NOTCH3: variants seen among roughly 807,000 people sequenced by gnomAD.
NOTCH3 encodes notch receptor 3, also known as neurogenic locus notch homolog protein 3.
In NOTCH3, 86 loss-of-function variants were observed where a neutral mutation model predicts 213.3. The ratio of observed to expected loss-of-function variants is 0.40; its 90% CI spans 0.34 to 0.48. The LOEUF (loss-of-function observed/expected upper bound fraction) is 0.48, where lower values mean the gene tolerates loss of function less well. Among genes scored for constraint, NOTCH3 ranks in the 20% least tolerant of loss-of-function variants. The pLI, the probability that NOTCH3 is intolerant of heterozygous loss-of-function variation, is 0.57. For missense variants in NOTCH3, 2,783 were observed against 3,272.6 expected (o/e 0.85, Z 3.65); for synonymous variants, 1,354 against 1,355.9 (o/e 1.00, Z 0.03).
At position 15,159,839 on chromosome 19, in the gene NOTCH3, A is replaced by G. The variant is rs547316884; in HGVS notation, c.*823T>C. On this transcript the variant is annotated 3_prime_UTR_variant, in exon 33 of 33. Transcript: ENST00000263388. Reference sequence around the variant, plus strand: ...AGGCAGCTCCTCTTCTTGTAGTCCCACATTTACAGGGACACAAAGGAATGC... The same window carrying G: ...AGGCAGCTCCTCTTCTTGTAGTCCCGCATTTACAGGGACACAAAGGAATGC... 36 of 233,714 alleles carry G rather than the reference A, an allele frequency of 1.5e-4. No homozygotes were observed. Among genetic ancestry groups the G allele is most frequent in the African/African-American group, 7.0e-4 (32 of 45,482 alleles). 14.5% of individuals were successfully genotyped at this position (233,714 alleles called of 1,614,324 possible). A position where few individuals can be genotyped will look rare whatever the true frequency, so the allele number is the denominator to read the frequency against.
intron 32 of NOTCH3, among the ~76,000 whole-genome samples, chr19:15,162,075 G>C (rs991946329): frequency 6.9e-6 from 1 of 144,696 alleles, no homozygotes; most frequent in African/African-American, 2.6e-5. Flanking sequence ...TCAGCCTTCC[G>C]GGTTCAAGCG....
intron 2 of NOTCH3, 73 bp downstream of exon 2, chr19:15,197,427 G>A: frequency 1.6e-6 from 2 of 1,259,780 alleles, no homozygotes; most frequent in Non-Finnish European, 2.3e-6. Flanking sequence ...AGAGGCAGAG[G>A]GAGAAGACAA....
chr19:15,178,200 G>A, intron 23 of NOTCH3, 110 bp from the exon 24 acceptor site: 1 of 653,014 alleles, frequency 1.5e-6, no homozygotes, highest in Non-Finnish European at 2.5e-6. Context: ...GAGAGAGGGG[G>A]AAGAGAAGAG....
At position 15,179,047 on chromosome 19, in the gene NOTCH3, G is replaced by A. The variant is rs1376921184; in HGVS notation, c.3696C>T (p.Cys1232=). 1 of 1,614,230 alleles carries A rather than the reference G, an allele frequency of 6.2e-7. No individual in the cohort carries two copies. The highest frequency in any genetic ancestry group is 1.1e-5 in the South Asian group (1 of 91,092). Residue 1232 remains cysteine, a synonymous_variant, in exon 22 of 33, where the codon TGC becomes TGT. Coordinates refer to ENST00000263388, the MANE Select transcript of NOTCH3 (RefSeq NM_000435.3). ...CLQDPGGGFR[C]LCHAGFSGPR... ...TACCTGAGAAGCCAGCATGACAAAG[G>A]CAACGGAAACCTCCGCCTGGGTCCT...
intron 6 of NOTCH3, 61 bp downstream of exon 6, chr19:15,191,363 C>T: frequency 7.1e-7 from 1 of 1,402,372 alleles, no homozygotes; most frequent in Non-Finnish European, 1.0e-6. Context: ...TCAAGTCAGA[C>T]TTCTTATTTG....
In NOTCH3 at chr19:15,178,952, G is replaced by C; in HGVS notation, c.3719-11C>G. ...TCTGACAGCGAGGACCTGAGCGAGC[G>C]GGAGCATGTAGATCAGCCACAATGG... On this transcript the variant is annotated splice_polypyrimidine_tract_variant and intron_variant, in intron 22 of 32. Coordinates refer to ENST00000263388, the MANE Select transcript of NOTCH3 (RefSeq NM_000435.3). 1 of 1,613,978 alleles carries C rather than the reference G, an allele frequency of 6.2e-7. No homozygotes were observed. Among genetic ancestry groups the C allele is most frequent in the East Asian group, 2.2e-5 (1 of 44,870 alleles).
At position 15,185,882 on chromosome 19, in the gene NOTCH3, A is replaced by G. The variant is rs2046877713; in HGVS notation, c.1952-203T>C. Among the ~76,000 whole-genome samples, 1 of 152,028 alleles carries G rather than the reference A, an allele frequency of 6.6e-6. No individual in the cohort carries two copies. Among genetic ancestry groups the G allele is most frequent in the Non-Finnish European group, 1.5e-5 (1 of 68,000 alleles). On this transcript the variant is annotated intron_variant, in intron 12 of 32. Transcript: ENST00000263388. The surrounding 1 kb of genome is among the most constrained non-coding windows in gnomAD (Gnocchi z 4.2). ...AGATCATTCTGGTCCCCAAACTTCCATGAAGTCCCTTTCTTTTTCTTTTCT... is the reference window on the plus strand; with the variant it reads ...AGATCATTCTGGTCCCCAAACTTCCGTGAAGTCCCTTTCTTTTTCTTTTCT...
chr19:15,191,331 C>A (rs2046924912), intron 6 of NOTCH3, 93 bp downstream of exon 6: 1 of 1,160,292 alleles, frequency 8.6e-7, no homozygotes, highest in South Asian at 1.3e-5. Flanking sequence ...CTGTGCCCAG[C>A]CTAGCATAAT....
Position 15,167,381 on chromosome 19 carries a change from C to A in NOTCH3, c.5230G>T (p.Ala1744Ser). ...TGAGTCCACTGACGGCAATCCACAGCCTCCTCAGCCCCCATGCCTGGCTCC... is the reference window on the plus strand; with the variant it reads ...TGAGTCCACTGACGGCAATCCACAGACTCCTCAGCCCCCATGCCTGGCTCC... ...VEEPGMGAEEAVDCRQWTQHH... is the reference protein window; with the variant it reads ...VEEPGMGAEESVDCRQWTQHH... Residue 1744 changes from alanine to serine, a missense_variant, in exon 29 of 33, where the codon GCT becomes TCT. Transcript: ENST00000263388. The A allele has an allele frequency of 6.2e-7, 1 of 1,609,022 alleles. No homozygotes were observed.
chr19:15,191,168 G>A (rs1216576923), intron 6 of NOTCH3, among the ~76,000 whole-genome samples: 2 of 152,020 alleles, frequency 1.3e-5, no homozygotes, highest in African/African-American at 4.8e-5. Flanking sequence ...TGAGAGACTT[G>A]GATTACAGGT....
chr19:15,163,862 G>A (rs189132832), intron 31 of NOTCH3, among the ~76,000 whole-genome samples: 39 of 152,138 alleles, frequency 2.6e-4, no homozygotes, highest in South Asian at 1.2e-3. Flanking sequence ...GTGGTCCATC[G>A]ACACAATGGA....
In NOTCH3 at chr19:15,160,626, C is replaced by G. The variant is rs543932222; in HGVS notation, c.*36G>C. Reference sequence around the variant, plus strand: ...AAGAAAGGAGGCAGGACGGGGGTCTCTTTAGGCCCCCAAGATCTAAGAACT... The same window carrying G: ...AAGAAAGGAGGCAGGACGGGGGTCTGTTTAGGCCCCCAAGATCTAAGAACT... On this transcript the variant is annotated 3_prime_UTR_variant, in exon 33 of 33. Coordinates refer to ENST00000263388, the MANE Select transcript of NOTCH3 (RefSeq NM_000435.3). The G allele has an allele frequency of 1.3e-6, 2 of 1,512,116 alleles. No homozygotes were observed. Among genetic ancestry groups the G allele is most frequent in the East Asian group, 2.3e-5 (1 of 44,430 alleles). The allele number at this position is 1,512,116 out of a possible 1,614,324, so 93.7% of individuals were successfully genotyped here.
intron 2 of NOTCH3, among the ~76,000 whole-genome samples, chr19:15,194,683 C>T (rs957228765): frequency 2.0e-5 from 3 of 151,984 alleles, no homozygotes; most frequent in South Asian, 2.1e-4. Context: ...TGTCCAAGCG[C>T]GGTGGCTCAC....
intron 16 of NOTCH3, among the ~76,000 whole-genome samples, 154 bp from the exon 17 acceptor site, chr19:15,181,955 C>A (rs748630300): frequency 6.6e-6 from 1 of 152,246 alleles, no homozygotes; most frequent in Non-Finnish European, 1.5e-5. Flanking sequence ...CCATCCCCTT[C>A]TGTGGCCTCG....
chr19:15,163,821 A>T (rs1025376486), intron 31 of NOTCH3, among the ~76,000 whole-genome samples: 1 of 152,054 alleles, frequency 6.6e-6, no homozygotes, highest in Non-Finnish European at 1.5e-5. Flanking sequence ...ACAGAGTGAT[A>T]CCCTATGTCT....
chr19:15,159,686 T>C lies in NOTCH3; in HGVS notation c.*976A>G, dbSNP rs1276926590. 4.3e-6 allele frequency: 1 copy of C among 232,648 alleles called. No individual in the cohort carries two copies. Among genetic ancestry groups the C allele is most frequent in the Non-Finnish European group, 8.5e-6 (1 of 117,762 alleles). 14.4% of individuals were successfully genotyped at this position (232,648 alleles called of 1,614,324 possible). On this transcript the variant is annotated 3_prime_UTR_variant, in exon 33 of 33. Coordinates refer to ENST00000263388, the MANE Select transcript of NOTCH3 (RefSeq NM_000435.3). The stretch of plus-strand genomic sequence containing the variant: ...GTGAGGGGAGTGGGGGGCTGTACAA[T>C]GCAGGGCTTGGGAATTCAGCTACAC...
chr19:15,184,464 G>A lies in NOTCH3; in HGVS notation c.2411-14C>T, dbSNP rs1201337849. On this transcript the variant is annotated splice_polypyrimidine_tract_variant and intron_variant, in intron 15 of 32. Transcript: ENST00000263388. ...GGCATCGTGGGCCTGGGGGTAGGGA[G>A]CAAGGTTACACCTAGGGTTACAGGG... 1 of 1,613,484 alleles carries A rather than the reference G, an allele frequency of 6.2e-7. No individual in the cohort carries two copies.
rs1370177676 is a variant in NOTCH3 at position 15,193,782 on chromosome 19, AAAAAC to A, written c.198-1268_198-1264del. Among the ~76,000 whole-genome samples the A allele has an allele frequency of 7.0e-4, 89 of 126,830 alleles. 9 individuals carry two copies. Among genetic ancestry groups the A allele is most frequent in the Non-Finnish European group, 1.1e-3 (64 of 57,496 alleles). The allele number at this position is 126,830 out of a possible 152,430, so 83.2% of individuals were successfully genotyped here. A position where few individuals can be genotyped will look rare whatever the true frequency, so the allele number is the denominator to read the frequency against. ...GGAGACTCCATCTCAAAAAAAAACA[AAAAAC>A]AAAAAAAACAAACAGGCCAGGCGCA... On this transcript the variant is annotated intron_variant, in intron 2 of 32. Transcript: ENST00000263388.
intron 6 of NOTCH3, 146 bp downstream of exon 6, chr19:15,191,278 C>T: frequency 1.3e-6 from 1 of 772,422 alleles, no homozygotes; most frequent in East Asian, 2.7e-5. Flanking sequence ...AGTGATCCGC[C>T]CGCCTGGGCC....
Sources: gnomAD v4.1 joint callset for allele counts (sites outside exome capture counted in the v4.1 genomes callset) on GRCh38, gnomAD v4.1.1 for gene constraint, Gnocchi (gnomAD v3.1) non-coding constraint, MANE v1.5 for transcripts, NCBI Gene and HGNC (gene_info 2026-07-23, HGNC 2026-07-21) for gene names.